The following KLHL1 variants were observed in gnomAD, a reference collection of about 807,000 sequenced individuals.
KLHL1 encodes the protein kelch-like protein 1.
A neutral mutation model predicts 77.7 loss-of-function variants in KLHL1; 47 were observed. That is an observed-to-expected ratio of 0.60 (90% CI 0.48 to 0.77). The LOEUF (loss-of-function observed/expected upper bound fraction) is 0.77. KLHL1 is among the 30% of genes least tolerant of loss of function. KLHL1 has a pLI of 0.00. For synonymous variants in KLHL1, 360 were observed against 325.2 expected (o/e 1.11, Z -1.15); for missense variants, 925 against 910.8 (o/e 1.02, Z -0.20).
chr13:69,856,696 G>C (rs75764668), intron 5 of KLHL1, among the ~76,000 whole-genome samples: 3,154 of 152,050 alleles, frequency 0.021, 108 homozygotes, highest in African/African-American at 0.071. Flanking sequence ...TAAATACTTA[G>C]TGCATATTTC....
intron 3 of KLHL1, among the ~76,000 whole-genome samples, chr13:69,947,027 GTTGTGTGT>G (rs1431210921): frequency 3.3e-5 from 3 of 90,248 alleles, no homozygotes; most frequent in East Asian, 3.2e-4. Flanking sequence ...GTGTGTGTGT[GTTGTGTGT>G]GTGTGTGTGT....
At chr13:69,933,568 T>C (rs953586039) in intron 4 of KLHL1, among the ~76,000 whole-genome samples, 1 of 152,072 alleles carries the variant, frequency 6.6e-6, no homozygotes, top group Non-Finnish European at 1.5e-5. Flanking sequence ...AAAGGACAAG[T>C]GAAGGATGTA....
At chr13:69,928,209 CAT>C (rs1305276149) in intron 4 of KLHL1, among the ~76,000 whole-genome samples, 1 of 152,212 alleles carries the variant, frequency 6.6e-6, no homozygotes, top group Non-Finnish European at 1.5e-5. Context: ...TGAAGACTCT[CAT>C]AGAGGAAAAT....
At chr13:69,970,840 T>C (rs1884361649) in intron 2 of KLHL1, among the ~76,000 whole-genome samples, 1 of 152,100 alleles carries the variant, frequency 6.6e-6, no homozygotes, top group Non-Finnish European at 1.5e-5. Context: ...AAAACCTGAA[T>C]TCCAGGCTCA....
chr13:70,024,655 T>TCTCTCTCTCTCTCTCTCTCTCTCTCG (rs1885896441), intron 1 of KLHL1, among the ~76,000 whole-genome samples: 2 of 148,444 alleles, frequency 1.3e-5, no homozygotes, highest in African/African-American at 2.5e-5. Context: ...TCTCTCTCTC[T>TCTCTCTCTCTCTCTCTCTCTCTCTCG]CTCTCGCTCT....
In KLHL1 at chr13:70,065,884, G is replaced by T. The variant is rs900108723; in HGVS notation, c.497+41319C>A. ...TTCATTACTTCATCAAAACCAAGAT[G>T]AAAAAAAAAAACTATTTAAAAGACA... On this transcript the variant is annotated intron_variant, in intron 1 of 10. Coordinates refer to ENST00000377844, the MANE Select transcript of KLHL1 (RefSeq NM_020866.3). Among the ~76,000 whole-genome samples, 23 of 141,442 alleles carry T rather than the reference G, an allele frequency of 1.6e-4. No individual in the cohort carries two copies. The East Asian group carries it at 4.1e-3, about 25-fold the overall frequency. The allele number at this position is 141,442 out of a possible 152,430, so 92.8% of individuals were successfully genotyped here. A position where few individuals can be genotyped will look rare whatever the true frequency, so the allele number is the denominator to read the frequency against.
intron 5 of KLHL1, among the ~76,000 whole-genome samples, chr13:69,867,570 T>C (rs974206531): frequency 6.6e-6 from 1 of 152,034 alleles, no homozygotes; most frequent in African/African-American, 2.4e-5. Context: ...TTAAATGTTC[T>C]TCAGAAAACA....
chr13:69,851,464 CACTT>C (rs958356421), intron 5 of KLHL1, among the ~76,000 whole-genome samples: 5 of 151,772 alleles, frequency 3.3e-5, no homozygotes, highest in Admixed American at 2.0e-4. Context: ...TTGAAAGAAA[CACTT>C]ACTTGATCTG....
At chr13:70,061,815 T>A (rs932824734) in intron 1 of KLHL1, among the ~76,000 whole-genome samples, 9 of 152,176 alleles carry the variant, frequency 5.9e-5, no homozygotes, top group African/African-American at 2.2e-4. Context: ...TATATTTAGT[T>A]GACACATAAT....
intron 1 of KLHL1, among the ~76,000 whole-genome samples, chr13:70,048,572 T>C (rs1303899166): frequency 6.6e-6 from 1 of 152,170 alleles, no homozygotes; most frequent in Non-Finnish European, 1.5e-5. Flanking sequence ...TTTCCACAGA[T>C]GGCAGGCTAG....
intron 1 of KLHL1, among the ~76,000 whole-genome samples, chr13:70,057,182 G>A (rs922298254): frequency 2.0e-5 from 3 of 151,940 alleles, no homozygotes; most frequent in Non-Finnish European, 4.4e-5. Context: ...TGAAAACATA[G>A]AAGTAATGAA....
intron 1 of KLHL1, among the ~76,000 whole-genome samples, chr13:70,026,224 T>C (rs892048044): frequency 2.0e-5 from 3 of 152,104 alleles, no homozygotes; most frequent in Non-Finnish European, 4.4e-5. Flanking sequence ...CACAAATCAC[T>C]ATTGCTTCAT....
At chr13:69,705,153 G>A (rs956050514) in intron 10 of KLHL1, among the ~76,000 whole-genome samples, 13 of 151,644 alleles carry the variant, frequency 8.6e-5, no homozygotes, top group African/African-American at 2.7e-4. Context: ...TTATTAAAGG[G>A]CAATTTTACT....
At chr13:70,074,288 T>G (rs1434860389) in intron 1 of KLHL1, among the ~76,000 whole-genome samples, 3 of 152,160 alleles carry the variant, frequency 2.0e-5, no homozygotes, top group Non-Finnish European at 4.4e-5. Context: ...TCGGCATCAC[T>G]ACAGTTGCCA....
chr13:69,843,881 T>C (rs1307723789), intron 5 of KLHL1, among the ~76,000 whole-genome samples: 1 of 151,726 alleles, frequency 6.6e-6, no homozygotes, highest in East Asian at 1.9e-4. Context: ...TGTACACATG[T>C]GCCATGTTGG....
chr13:69,837,653 T>TACAC lies in KLHL1; in HGVS notation c.1414+1322_1414+1323insGTGT, dbSNP rs1380246444. Among the ~76,000 whole-genome samples, 553 of 131,228 alleles carry TACAC rather than the reference T, an allele frequency of 4.2e-3. 2 individuals are homozygous for TACAC. Among genetic ancestry groups the TACAC allele is most frequent in the African/African-American group, 8.7e-3 (260 of 29,840 alleles). 86.1% of individuals were successfully genotyped at this position (131,228 alleles called of 152,430 possible). ...GTGTATATATATATATGTGTATATA[T>TACAC]ATATGTGTGTGTGTGTGTATATATA... On this transcript the variant is annotated intron_variant, in intron 6 of 10. Transcript: ENST00000377844.
At chr13:69,920,933 T>A (rs1027545971) in intron 4 of KLHL1, among the ~76,000 whole-genome samples, 2 of 152,180 alleles carry the variant, frequency 1.3e-5, no homozygotes, top group Admixed American at 6.5e-5. Flanking sequence ...AATGCTAACT[T>A]CTATCCTGTT....
intron 1 of KLHL1, among the ~76,000 whole-genome samples, chr13:70,072,821 A>T (rs1887168559): frequency 6.6e-6 from 1 of 151,990 alleles, no homozygotes; most frequent in East Asian, 1.9e-4. Context: ...CTTTTATTTA[A>T]AAAAAAACTA....
intron 4 of KLHL1, among the ~76,000 whole-genome samples, chr13:69,887,209 A>C (rs1362662806): frequency 6.6e-6 from 1 of 152,204 alleles, no homozygotes; most frequent in Non-Finnish European, 1.5e-5. Flanking sequence ...GGATTGAGAT[A>C]GAAAAATTAA....
Sources: allele counts gnomAD v4.1 joint callset (sites outside exome capture counted in the v4.1 genomes callset), GRCh38; gene constraint gnomAD v4.1.1; transcripts MANE v1.5; gene names NCBI Gene and HGNC (gene_info 2026-07-23, HGNC 2026-07-21).